Variants in AKAP1 observed in about 807,000 individuals in gnomAD.
AKAP1 encodes A-kinase anchor protein 1, mitochondrial.
Under a neutral mutation model 79.8 loss-of-function variants are expected in AKAP1, and 32 were observed. The observed-to-expected ratio is 0.40, with a 90% CI of 0.30 to 0.54. AKAP1 has a LOEUF of 0.54. Among genes scored for constraint, AKAP1 ranks in the 20% least tolerant of loss-of-function variants. AKAP1 has a pLI of 0.47. For synonymous variants in AKAP1, 416 were observed against 466.7 expected, an observed-to-expected ratio of 0.89 and a Z score of 1.40; for missense variants, 961 against 1,138.9, an observed-to-expected ratio of 0.84 and a Z score of 2.25.
In AKAP1 at chr17:57,086,170, C is replaced by G. The variant is rs56265509; in HGVS notation, c.-25+772C>G. On this transcript the variant is annotated intron_variant, in intron 1 of 10. Transcript: ENST00000337714. This position sits in a 1 kb window ranked among gnomAD's most constrained non-coding sequence, Gnocchi z 5.1. ...AGGCCGTCCAGCCTGGGGTGTCTGCCGACCTCACGCCCGGGGGCCCCGACG... is the reference window on the plus strand; with the variant it reads ...AGGCCGTCCAGCCTGGGGTGTCTGCGGACCTCACGCCCGGGGGCCCCGACG... The G allele has an allele frequency of 4.3e-3, 1,400 of 324,762 alleles. 12 individuals are homozygous for G. Among genetic ancestry groups the G allele is most frequent in the South Asian group, 8.1e-3 (369 of 45,652 alleles). 20.1% of individuals were successfully genotyped at this position (324,762 alleles called of 1,614,324 possible).
chr17:57,118,429 C>T lies in AKAP1; in HGVS notation c.2549C>T (p.Thr850Met), dbSNP rs368392954. The change falls in exon 9 of 11, where the codon ACG (threonine) becomes ATG (methionine). Residue 850 changes from threonine (T) to methionine (M), a missense_variant. Physicochemically the swap from Thr to Met is moderately conservative, Grantham distance 81. Transcript: ENST00000337714. The part of the protein sequence containing the change: ...PEADAAMSEM[T>M]GNTALLAQVT... ...GCAGATGCCGCCATGAGCGAGATGA[C>T]GGGGAATACAGCACTGCTTGCTCAG... is the stretch of plus-strand genomic sequence containing the variant. The T allele has an allele frequency of 1.2e-5, 20 of 1,613,660 alleles. No homozygotes were observed. The African/African-American group carries it at 1.6e-4, about 13-fold the overall frequency.
chr17:57,115,883 CG>C (rs1915548018), intron 6 of AKAP1, among the ~76,000 whole-genome samples: 1 of 152,194 alleles, frequency 6.6e-6, no homozygotes, highest in South Asian at 2.1e-4. Flanking sequence ...TGGATGGCCT[CG>C]GGGGCGGCAC....
chr17:57,097,838 A>G lies in AKAP1; in HGVS notation c.-24-7603A>G, dbSNP rs1968733324. 1.3e-5 allele frequency among the ~76,000 whole-genome samples: 2 copies of G among 152,258 alleles called. 1 individual carries two copies. The highest frequency in any genetic ancestry group is 4.1e-4 in the South Asian group (2 of 4,834). On this transcript the variant is annotated intron_variant, in intron 1 of 10. Coordinates refer to ENST00000337714, the MANE Select transcript of AKAP1 (RefSeq NM_003488.4). Reference sequence around the variant, plus strand: ...GATGTGGCTTCACTGACCAGGCCCAAGCCCACATTGGGCTTGTTGGGCACT... The same window carrying G: ...GATGTGGCTTCACTGACCAGGCCCAGGCCCACATTGGGCTTGTTGGGCACT...
chr17:57,095,427 GA>G (rs1914040935), intron 1 of AKAP1: 1 of 151,276 alleles, frequency 6.6e-6, no homozygotes, highest in Non-Finnish European at 1.5e-5. Flanking sequence ...AAGTGTTGGG[GA>G]TTGTAGGCGT....
At chr17:57,097,554 A>C (rs1339175688) in intron 1 of AKAP1, among the ~76,000 whole-genome samples, 1 of 152,226 alleles carries the variant, frequency 6.6e-6, no homozygotes, top group East Asian at 1.9e-4. Context: ...GCCTGGCCAC[A>C]GACTGCTGTC....
At chr17:57,104,264 G>A (rs559337302) in intron 1 of AKAP1, among the ~76,000 whole-genome samples, 1 of 152,140 alleles carries the variant, frequency 6.6e-6, no homozygotes, top group Non-Finnish European at 1.5e-5. Context: ...ACTGCGCCCA[G>A]CCTCGATTCA....
chr17:57,111,714 T>A, intron 3 of AKAP1, 84 bp from the exon 4 acceptor site: 1 of 1,524,916 alleles, frequency 6.6e-7, no homozygotes, highest in Admixed American at 1.8e-5. Context: ...GAGCATGATC[T>A]TGTGTAAAAC....
At chr17:57,089,717 G>T (rs1913668059) in intron 1 of AKAP1, among the ~76,000 whole-genome samples, 1 of 152,148 alleles carries the variant, frequency 6.6e-6, no homozygotes, top group Non-Finnish European at 1.5e-5. Flanking sequence ...AACAGCTTTG[G>T]TGACAAATTA....
At chr17:57,118,903 T>G in intron 9 of AKAP1, 79 bp from the exon 10 acceptor site, 13 of 1,480,100 alleles carry the variant, frequency 8.8e-6, no homozygotes, top group Non-Finnish European at 1.2e-5. Context: ...ATGGGGATTA[T>G]GGAGATGACA....
chr17:57,094,647 G>GT (rs1279745831), intron 1 of AKAP1: 1 of 127,402 alleles, frequency 7.8e-6, no homozygotes, highest in Non-Finnish European at 1.6e-5. Flanking sequence ...AGGTCTCACT[G>GT]TCCCCCAGGC....
intron 1 of AKAP1, among the ~76,000 whole-genome samples, chr17:57,089,155 T>G (rs1348439753): frequency 6.6e-6 from 1 of 152,154 alleles, no homozygotes; most frequent in East Asian, 1.9e-4. Context: ...TGGTCAAAAT[T>G]ATCAGTATTC....
intron 10 of AKAP1, among the ~76,000 whole-genome samples, 156 bp from the exon 11 acceptor site, chr17:57,120,094 A>T (rs1168416125): frequency 6.6e-6 from 1 of 151,982 alleles, no homozygotes; most frequent in African/African-American, 2.4e-5. Flanking sequence ...CCAAAATGCT[A>T]GGATTACAGG....
intron 1 of AKAP1, chr17:57,101,454 C>G (rs1276765041): frequency 1.3e-5 from 2 of 152,026 alleles, no homozygotes; most frequent in East Asian, 1.9e-4. Flanking sequence ...CCCCGCCTCC[C>G]AAAGTGCTGG....
At chr17:57,111,607 A>G (rs2144749293) in intron 3 of AKAP1, among the ~76,000 whole-genome samples, 191 bp from the exon 4 acceptor site, 1 of 152,332 alleles carries the variant, frequency 6.6e-6, no homozygotes, top group African/African-American at 2.4e-5. Flanking sequence ...CAGAATGGTG[A>G]TAAAGTTATC....
Position 57,109,943 on chromosome 17 carries a change from T to C in AKAP1, c.1715-82T>C, listed in dbSNP as rs555752491. 8 of 1,555,672 alleles carry C rather than the reference T, an allele frequency of 5.1e-6. No individual in the cohort carries two copies. In the African/African-American group the frequency reaches 5.4e-5, roughly 11 times the overall value. Reference sequence around the variant, plus strand: ...GGTGTGGGGCAGGGCCTCCTGGGAATGTGAGTTTGGGAAGTTCTTGGTTAC... The same window carrying C: ...GGTGTGGGGCAGGGCCTCCTGGGAACGTGAGTTTGGGAAGTTCTTGGTTAC... On this transcript the variant is annotated intron_variant, in intron 2 of 10. Coordinates refer to ENST00000337714, the MANE Select transcript of AKAP1 (RefSeq NM_003488.4).
chr17:57,113,292 T>C (rs1439927999), intron 5 of AKAP1, among the ~76,000 whole-genome samples: 2 of 152,138 alleles, frequency 1.3e-5, no homozygotes, highest in African/African-American at 4.8e-5. Context: ...TCACTGGGAG[T>C]AGAATTGCAG....
At chr17:57,108,068 G>A in intron 2 of AKAP1, 3 of 1,160,600 alleles carry the variant, frequency 2.6e-6, no homozygotes, top group South Asian at 3.1e-5. Flanking sequence ...TCCTGACCCT[G>A]CTTCTGCAGG....
At chr17:57,114,190 A>G (rs1378446953) in intron 5 of AKAP1, among the ~76,000 whole-genome samples, 1 of 152,162 alleles carries the variant, frequency 6.6e-6, no homozygotes. Context: ...TTGGTTGCCC[A>G]GTGTCTGTGG....
intron 5 of AKAP1, 145 bp from the exon 6 acceptor site, chr17:57,114,314 C>CCT (rs1915442249): frequency 2.1e-6 from 2 of 964,228 alleles, no homozygotes; most frequent in East Asian, 5.2e-5. Context: ...AGTCCTTCAA[C>CCT]CTCTACCTTC....
Sources: gnomAD v4.1 joint callset for allele counts (sites outside exome capture counted in the v4.1 genomes callset) on GRCh38, gnomAD v4.1.1 for gene constraint, Gnocchi (gnomAD v3.1) non-coding constraint, MANE v1.5 for transcripts, NCBI Gene and HGNC (gene_info 2026-07-23, HGNC 2026-07-21) for gene names.